The following PAK1 variants were observed in gnomAD, a reference collection of about 807,000 sequenced individuals.
PAK1 encodes serine/threonine-protein kinase PAK 1.
PAK1 carries 29 observed loss-of-function variants against 67.4 expected under a neutral mutation model. That is an observed-to-expected ratio of 0.43 (90% CI 0.32 to 0.59). The LOEUF (loss-of-function observed/expected upper bound fraction) is 0.59. PAK1 is among the 20% of genes least tolerant of loss of function. The pLI is 0.07. For missense variants in PAK1, 337 were observed against 670.7 expected, an observed-to-expected ratio of 0.50 and a Z score of 5.50; for synonymous variants, 223 against 237.4, an observed-to-expected ratio of 0.94 and a Z score of 0.56.
intron 5 of PAK1, among the ~76,000 whole-genome samples, chr11:77,373,138 T>A (rs1948647170): frequency 1.3e-5 from 2 of 152,202 alleles, no homozygotes; most frequent in African/African-American, 4.8e-5. Flanking sequence ...TAATGTCACT[T>A]ATTCACACCG....
chr11:77,457,007 C>G (rs897322300), intron 1 of PAK1, among the ~76,000 whole-genome samples: 1 of 152,184 alleles, frequency 6.6e-6, no homozygotes, highest in African/African-American at 2.4e-5. Flanking sequence ...TCCCAAAGTG[C>G]TGGGATTACA....
At chr11:77,382,874 T>G (rs1297012166) in intron 2 of PAK1, among the ~76,000 whole-genome samples, 3 of 152,158 alleles carry the variant, frequency 2.0e-5, no homozygotes, top group African/African-American at 7.2e-5. Flanking sequence ...GACACATGCG[T>G]GTAATCCCAG....
At chr11:77,416,391 A>C (rs1172600085) in intron 1 of PAK1, among the ~76,000 whole-genome samples, 1 of 152,094 alleles carries the variant, frequency 6.6e-6, no homozygotes, top group Non-Finnish European at 1.5e-5. Context: ...TTCCACCTCT[A>C]CATCTTGTCC....
chr11:77,487,601 A>G, the PAK1 span, among the ~76,000 whole-genome samples: 12 of 151,882 alleles, frequency 7.9e-5, no homozygotes, highest in Non-Finnish European at 8.8e-5. Flanking sequence ...AGCATTCACC[A>G]CAAGTTGACT....
At chr11:77,407,262 C>G (rs1179109996) in intron 1 of PAK1, among the ~76,000 whole-genome samples, 1 of 152,132 alleles carries the variant, frequency 6.6e-6, no homozygotes, top group Admixed American at 6.5e-5. Flanking sequence ...TAATTGCCAC[C>G]TACTATCTGT....
chr11:77,465,557 A>G (rs553094942), intron 1 of PAK1, among the ~76,000 whole-genome samples: 1 of 152,198 alleles, frequency 6.6e-6, no homozygotes, highest in East Asian at 1.9e-4. Flanking sequence ...TACAAATTAC[A>G]TATGTAATTT....
At chr11:77,387,499 C>G (rs536752206) in intron 2 of PAK1, among the ~76,000 whole-genome samples, 2 of 152,198 alleles carry the variant, frequency 1.3e-5, no homozygotes, top group Non-Finnish European at 2.9e-5. Flanking sequence ...CTCAGCTCTC[C>G]CACTTTCCAC....
chr11:77,417,925 G>A (rs1955058229), intron 1 of PAK1, among the ~76,000 whole-genome samples: 1 of 151,748 alleles, frequency 6.6e-6, no homozygotes, highest in Non-Finnish European at 1.5e-5. Flanking sequence ...TAGTAGAGAT[G>A]GGGTTTCACC....
the PAK1 span, among the ~76,000 whole-genome samples, chr11:77,492,386 G>A: frequency 6.1e-4 from 93 of 151,660 alleles, 1 homozygote; most frequent in Middle Eastern, 6.8e-3. Flanking sequence ...AGCCAGTTGA[G>A]GAGACAAACA....
the PAK1 span, among the ~76,000 whole-genome samples, chr11:77,514,279 A>C: frequency 6.6e-6 from 1 of 152,154 alleles, no homozygotes; most frequent in Non-Finnish European, 1.5e-5. Flanking sequence ...GGATCACTTG[A>C]GGTCAGGAGT....
At chr11:77,481,673 C>CAA in the PAK1 span, among the ~76,000 whole-genome samples, 507 of 94,408 alleles carry the variant, frequency 5.4e-3, 9 homozygotes, top group African/African-American at 0.019. Context: ...GACTCCATCT[C>CAA]AAAAAAAAAA....
rs1305193166 is a variant in PAK1 at position 77,473,641 on chromosome 11, G to C, written c.-111C>G. ...CGGGAGTGAGGGCGCGAGTGTGCGCGAGCTACCGCTTCACTTTCTCCCTCC... is the reference window on the plus strand; with the variant it reads ...CGGGAGTGAGGGCGCGAGTGTGCGCCAGCTACCGCTTCACTTTCTCCCTCC... On this transcript the variant is annotated 5_prime_UTR_variant, in exon 1 of 15. Transcript: ENST00000356341. 6.6e-6 allele frequency: 1 copy of C among 152,564 alleles called. No individual in the cohort carries two copies. Among genetic ancestry groups the C allele is most frequent in the Non-Finnish European group, 1.5e-5 (1 of 68,514 alleles). The allele number at this position is 152,564 out of a possible 1,614,324, so 9.5% of individuals were successfully genotyped here. A position where few individuals can be genotyped will look rare whatever the true frequency, so the allele number is the denominator to read the frequency against.
chr11:77,517,275 G>T, the PAK1 span, among the ~76,000 whole-genome samples: 1 of 152,150 alleles, frequency 6.6e-6, no homozygotes, highest in Non-Finnish European at 1.5e-5. Flanking sequence ...GGCCAGGAGA[G>T]AATTTTAATG....
chr11:77,461,232 GAAAAACCT>G (rs1457330827), intron 1 of PAK1, among the ~76,000 whole-genome samples: 3 of 152,156 alleles, frequency 2.0e-5, no homozygotes, highest in African/African-American at 7.2e-5. Flanking sequence ...AATAGGAAAA[GAAAAACCT>G]AAAAACCTAC....
chr11:77,522,049 A>G, the PAK1 span, among the ~76,000 whole-genome samples: 1 of 152,246 alleles, frequency 6.6e-6, no homozygotes, highest in Non-Finnish European at 1.5e-5. Context: ...ATTGTTTGCA[A>G]AATAGACTTT....
At chr11:77,346,791 G>C (rs771436029) in intron 9 of PAK1, among the ~76,000 whole-genome samples, 14 of 152,132 alleles carry the variant, frequency 9.2e-5, no homozygotes, top group Non-Finnish European at 1.8e-4. Context: ...TTTTCAGTAA[G>C]AAAATTGAGG....
At chr11:77,411,096 T>A (rs1248508046) in intron 1 of PAK1, among the ~76,000 whole-genome samples, 1 of 152,074 alleles carries the variant, frequency 6.6e-6, no homozygotes, top group Non-Finnish European at 1.5e-5. Flanking sequence ...TCTCAGTCTC[T>A]GCTTTGTCCC....
rs538750667 is a variant in PAK1 at position 77,442,720 on chromosome 11, AG to A, written c.-22+30831del. ...ATTTTTTTAAAACTGCTAGTTTTGC[AG>A]GTAATTTGTCTACACAACAATAGAT... is the stretch of plus-strand genomic sequence containing the variant. On this transcript the variant is annotated intron_variant, in intron 1 of 14. Transcript: ENST00000356341. Among the ~76,000 whole-genome samples, 207 of 152,318 alleles carry A rather than the reference AG, an allele frequency of 1.4e-3. 1 individual carries two copies. The highest frequency in any genetic ancestry group is 4.8e-3 in the African/African-American group (201 of 41,572).
At chr11:77,416,724 T>C (rs760623083) in intron 1 of PAK1, among the ~76,000 whole-genome samples, 12 of 152,112 alleles carry the variant, frequency 7.9e-5, no homozygotes, top group Admixed American at 1.3e-4. Context: ...GAGGCCAAGG[T>C]GGGCGGATCA....
Sources: gnomAD v4.1 joint callset for allele counts (sites outside exome capture counted in the v4.1 genomes callset) on GRCh38, gnomAD v4.1.1 for gene constraint, MANE v1.5 for transcripts, NCBI Gene and HGNC (gene_info 2026-07-23, HGNC 2026-07-21) for gene names.